Variants in CSGALNACT1 observed in about 807,000 individuals in gnomAD.
CSGALNACT1 encodes the protein chondroitin sulfate N-acetylgalactosaminyltransferase 1.
CSGALNACT1 carries 52 observed loss-of-function variants against 51.0 expected under a neutral mutation model. The observed-to-expected ratio is 1.02, with a 90% CI of 0.82 to 1.29. The LOEUF is 1.29. CSGALNACT1 is among the 50% of genes most tolerant of loss of function. CSGALNACT1 has a pLI of 0.00. For synonymous variants in CSGALNACT1, 341 were observed against 254.4 expected (o/e 1.34, Z -3.24); for missense variants, 935 against 679.2 (o/e 1.38, Z -4.19).
At chr8:19,493,650 T>C (rs1400032095) in intron 4 of CSGALNACT1, among the ~76,000 whole-genome samples, 1 of 152,222 alleles carries the variant, frequency 6.6e-6, no homozygotes, top group African/African-American at 2.4e-5. Context: ...GGACCATTTA[T>C]GCTGCAGCAT....
intron 1 of CSGALNACT1, among the ~76,000 whole-genome samples, chr8:19,649,625 A>C (rs1468200208): frequency 5.3e-5 from 8 of 152,078 alleles, no homozygotes; most frequent in African/African-American, 1.7e-4. Flanking sequence ...TTACGAATAC[A>C]TGCAATTTCC....
At chr8:19,495,841 AG>A (rs995488512) in intron 4 of CSGALNACT1, among the ~76,000 whole-genome samples, 11 of 152,222 alleles carry the variant, frequency 7.2e-5, no homozygotes, top group African/African-American at 2.4e-4. Flanking sequence ...CCAGGCCTGC[AG>A]GAGGAAGGGA....
intron 1 of CSGALNACT1, among the ~76,000 whole-genome samples, chr8:19,649,156 A>C (rs912023444): frequency 1.3e-5 from 2 of 152,190 alleles, no homozygotes; most frequent in African/African-American, 4.8e-5. Context: ...AGTGATTCTA[A>C]TATTCCCATT....
intron 6 of CSGALNACT1, among the ~76,000 whole-genome samples, chr8:19,423,435 T>G (rs1480543873): frequency 1.3e-5 from 2 of 152,144 alleles, no homozygotes; most frequent in Non-Finnish European, 2.9e-5. Context: ...GGTAATTTGG[T>G]GGTGTGCATG....
chr8:19,737,317 A>G (rs771454702), intron 1 of CSGALNACT1, among the ~76,000 whole-genome samples: 2 of 152,186 alleles, frequency 1.3e-5, no homozygotes, highest in African/African-American at 2.4e-5. Flanking sequence ...GGAAAAAAAA[A>G]TACATAAATG....
chr8:19,415,947 A>G (rs1360543580), intron 8 of CSGALNACT1, among the ~76,000 whole-genome samples: 1 of 152,208 alleles, frequency 6.6e-6, no homozygotes, highest in Non-Finnish European at 1.5e-5. Flanking sequence ...GTATCTGAAC[A>G]TAGAAAAGGT....
chr8:19,694,140 A>G (rs1404407102), intron 1 of CSGALNACT1, among the ~76,000 whole-genome samples: 7 of 152,224 alleles, frequency 4.6e-5, no homozygotes, highest in African/African-American at 1.7e-4. Flanking sequence ...AGGCAAAAGG[A>G]AGTTTGTGAC....
At chr8:19,643,075 T>C (rs904142918) in intron 1 of CSGALNACT1, among the ~76,000 whole-genome samples, 2 of 152,034 alleles carry the variant, frequency 1.3e-5, no homozygotes, top group Non-Finnish European at 2.9e-5. Flanking sequence ...ACACGACTAC[T>C]TAAAAATTAA....
rs1010091463 is a variant in CSGALNACT1, at chr8:19,658,536, C to A, written c.-544+23937G>T. Among the ~76,000 whole-genome samples, 11 of 152,208 alleles carry A rather than the reference C, an allele frequency of 7.2e-5. No individual in the cohort carries two copies. The East Asian group carries it at 9.7e-4, about 13-fold the overall frequency. ...ATCACCTGAGGTCAGGAGTTTGAGA[C>A]CAGCCTGGCCAACATGGAGAAACCC... On this transcript the variant is annotated intron_variant, in intron 1 of 9. Transcript: ENST00000332246.
intron 2 of CSGALNACT1, among the ~76,000 whole-genome samples, chr8:19,601,339 G>T (rs143863587): frequency 5.9e-4 from 90 of 152,238 alleles, no homozygotes; most frequent in African/African-American, 2.0e-3. Flanking sequence ...TTATTTTCTA[G>T]CAAAGTCAAA....
At chr8:19,467,642 AT>A (rs1204921963) in intron 4 of CSGALNACT1, among the ~76,000 whole-genome samples, 119 of 151,668 alleles carry the variant, frequency 7.8e-4, no homozygotes, top group African/African-American at 2.8e-3. Context: ...TTTTTTATTA[AT>A]TTTTTTCGCA....
upstream of CSGALNACT1, among the ~76,000 whole-genome samples, chr8:19,685,791 G>C (rs28393095): frequency 0.055 from 8,365 of 152,234 alleles, 268 homozygotes; most frequent in Middle Eastern, 0.1. Flanking sequence ...TTGCCACCAG[G>C]CTAACTTTGA....
chr8:19,519,615 C>T (rs886787856), intron 3 of CSGALNACT1, among the ~76,000 whole-genome samples: 1 of 152,186 alleles, frequency 6.6e-6, no homozygotes, highest in Non-Finnish European at 1.5e-5. Context: ...CCAAATCATG[C>T]TTTGATCCGA....
At chr8:19,743,586 G>A (rs2064451915) in intron 1 of CSGALNACT1, among the ~76,000 whole-genome samples, 1 of 152,102 alleles carries the variant, frequency 6.6e-6, no homozygotes, top group African/African-American at 2.4e-5. Flanking sequence ...AGTAAGTAAG[G>A]GTTCACCACA....
intron 1 of CSGALNACT1, among the ~76,000 whole-genome samples, chr8:19,707,632 G>GCAAACATAATCAA (rs60988333): frequency 0.41 from 61,667 of 151,732 alleles, 12,898 homozygotes; most frequent in East Asian, 0.65. Context: ...AGAGCTACAC[G>GCAAACATAATCAA]CAATGGAAGA....
intron 3 of CSGALNACT1, among the ~76,000 whole-genome samples, chr8:19,523,947 G>A (rs1179727010): frequency 6.6e-6 from 1 of 152,174 alleles, no homozygotes; most frequent in Admixed American, 6.6e-5. Flanking sequence ...AGTATTATTT[G>A]TTAGGTAGAG....
At chr8:19,614,758 G>C (rs2052764838) in intron 1 of CSGALNACT1, among the ~76,000 whole-genome samples, 1 of 152,194 alleles carries the variant, frequency 6.6e-6, no homozygotes, top group Non-Finnish European at 1.5e-5. Context: ...TCAATTTACA[G>C]ATGTGCAAAC....
At chr8:19,561,032 C>G (rs932333431) in intron 3 of CSGALNACT1, among the ~76,000 whole-genome samples, 26 of 152,242 alleles carry the variant, frequency 1.7e-4, no homozygotes, top group Non-Finnish European at 3.1e-4. Context: ...AGCAGCAAGA[C>G]TCAAAAGAAC....
At chr8:19,509,655 T>C in intron 3 of CSGALNACT1, among the ~76,000 whole-genome samples, 1 of 144,076 alleles carries the variant, frequency 6.9e-6, no homozygotes, top group African/African-American at 2.6e-5. Flanking sequence ...AAAATGGGTG[T>C]CACCACCTCT....
Sources: gnomAD v4.1 joint callset for allele counts (sites outside exome capture counted in the v4.1 genomes callset) on GRCh38, gnomAD v4.1.1 for gene constraint, MANE v1.5 for transcripts, NCBI Gene and HGNC (gene_info 2026-07-23, HGNC 2026-07-21) for gene names.